The following GRM7 variants were observed in gnomAD, a reference collection of about 807,000 sequenced individuals.
GRM7 encodes glutamate metabotropic receptor 7.
Under a neutral mutation model 84.5 loss-of-function variants are expected in GRM7, and 35 were observed. The ratio of observed to expected loss-of-function variants is 0.41; its 90% CI spans 0.32 to 0.55. GRM7 has a LOEUF of 0.55. Ranked by LOEUF, GRM7 falls within the 20% of genes least tolerant of loss-of-function variation. The pLI is 0.19. For synonymous variants in GRM7, 487 were observed against 455.1 expected (o/e 1.07, Z -0.89); for missense variants, 1,003 against 1,194.6 (o/e 0.84, Z 2.36).
chr3:7,034,617 T>C (rs1696315652), intron 1 of GRM7, among the ~76,000 whole-genome samples: 1 of 152,220 alleles, frequency 6.6e-6, no homozygotes, highest in Non-Finnish European at 1.5e-5. Flanking sequence ...TTGAGAACTA[T>C]AAGTCCTATC....
chr3:6,977,871 A>G (rs1694059367), intron 1 of GRM7, among the ~76,000 whole-genome samples: 1 of 152,180 alleles, frequency 6.6e-6, no homozygotes, highest in East Asian at 1.9e-4. Flanking sequence ...TTCCATGAAA[A>G]TAAGAACGTT....
At chr3:7,023,606 TCAAGGAGTAAACCATGCTGG>T (rs1695861738) in intron 1 of GRM7, among the ~76,000 whole-genome samples, 1 of 152,128 alleles carries the variant, frequency 6.6e-6, no homozygotes, top group Non-Finnish European at 1.5e-5. Context: ...AAGTCCAAAT[TCAAGGAGTAAACCATGCTGG>T]TTCCTTCTGA....
intron 7 of GRM7, among the ~76,000 whole-genome samples, chr3:7,506,398 T>TGATAATAAAGATAATAAA (rs1700040636): frequency 6.6e-6 from 1 of 152,196 alleles, no homozygotes; most frequent in Non-Finnish European, 1.5e-5. Flanking sequence ...GCCCCATTCA[T>TGATAATAAAGATAATAAA]GATAATAAAG....
chr3:7,713,138 T>C (rs1321346913), intron 9 of GRM7, among the ~76,000 whole-genome samples: 2 of 142,440 alleles, frequency 1.4e-5, no homozygotes, highest in Non-Finnish European at 3.1e-5. Context: ...TTTTTTTTTT[T>C]TTTTTTTTTT....
intron 1 of GRM7, among the ~76,000 whole-genome samples, chr3:7,058,873 G>A (rs983157424): frequency 1.6e-4 from 24 of 151,948 alleles, no homozygotes; most frequent in African/African-American, 5.3e-4. Context: ...AAAGGAAGGA[G>A]GAAGTAACTT....
intron 1 of GRM7, among the ~76,000 whole-genome samples, chr3:7,085,444 T>C (rs1698421752): frequency 6.6e-6 from 1 of 152,184 alleles, no homozygotes; most frequent in South Asian, 2.1e-4. Context: ...ATGTAAGTAA[T>C]GACATTATTC....
At chr3:7,723,504 C>T (rs1702022329) in intron 9 of GRM7, among the ~76,000 whole-genome samples, 1 of 152,092 alleles carries the variant, frequency 6.6e-6, no homozygotes, top group Non-Finnish European at 1.5e-5. Flanking sequence ...CCACAGCAAG[C>T]AGAATGTGTT....
chr3:7,274,543 G>A (rs921441079), intron 2 of GRM7, among the ~76,000 whole-genome samples: 1 of 151,866 alleles, frequency 6.6e-6, no homozygotes, highest in Non-Finnish European at 1.5e-5. Flanking sequence ...CTAGGTTGAT[G>A]GTTGATGTTT....
chr3:7,707,655 C>T (rs189459778), intron 9 of GRM7, among the ~76,000 whole-genome samples: 1 of 152,258 alleles, frequency 6.6e-6, no homozygotes, highest in Admixed American at 6.5e-5. Context: ...ATGGTGGAGC[C>T]TTTAGGATCA....
At chr3:6,914,072 T>C (rs1696862696) in intron 1 of GRM7, among the ~76,000 whole-genome samples, 1 of 152,206 alleles carries the variant, frequency 6.6e-6, no homozygotes. Context: ...TCTCCTTTTC[T>C]GTTCCAAAGT....
chr3:7,412,985 GACAC>G (rs59610581), intron 4 of GRM7, among the ~76,000 whole-genome samples: 16 of 148,802 alleles, frequency 1.1e-4, no homozygotes, highest in East Asian at 5.9e-4. Flanking sequence ...AATTCACTAT[GACAC>G]ACACACACAC....
intron 4 of GRM7, among the ~76,000 whole-genome samples, chr3:7,320,208 T>A (rs1700726343): frequency 6.6e-6 from 1 of 151,944 alleles, no homozygotes; most frequent in South Asian, 2.1e-4. Flanking sequence ...AAGATTTTTT[T>A]CTCATCTATT....
rs941387584 is a variant in GRM7, at chr3:7,172,383, G to C, written c.736+25715G>C. ...GATGATTTCCTAGCCATGTATCTAT[G>C]ACACTGTGGCCTTAACTCTGACAAT... On this transcript the variant is annotated intron_variant, in intron 2 of 9. Coordinates refer to ENST00000357716, the MANE Select transcript of GRM7 (RefSeq NM_000844.4). 4.6e-5 allele frequency among the ~76,000 whole-genome samples: 7 copies of C among 152,166 alleles called. No homozygotes were observed. In the South Asian group the frequency reaches 8.3e-4, roughly 18 times the overall value.
At position 6,861,450 on chromosome 3, in the gene GRM7, T is replaced by C; in HGVS notation, c.62T>C (p.Leu21Pro). The C allele has an allele frequency of 6.4e-7, 1 of 1,560,178 alleles. No individual in the cohort carries two copies. The highest frequency in any genetic ancestry group is 1.4e-5 in the African/African-American group (1 of 72,298). The change falls in exon 1 of 10, where the codon CTG (leucine) becomes CCG (proline). Residue 21 changes from leucine (L) to proline (P), a missense_variant. Leu to Pro is a moderately conservative substitution (Grantham distance 98). Coordinates refer to ENST00000357716, the MANE Select transcript of GRM7 (RefSeq NM_000844.4). This position sits in a 1 kb window ranked among gnomAD's most constrained non-coding sequence, Gnocchi z 6.4. ...LTLMKFPCCV[L>P]EVLLCALAAA... ...TTGATGAAGTTCCCCTGCTGCGTGC[T>C]GGAGGTGCTCCTGTGCGCGCTGGCG...
At chr3:7,012,863 C>G (rs1416529817) in intron 1 of GRM7, among the ~76,000 whole-genome samples, 1 of 152,150 alleles carries the variant, frequency 6.6e-6, no homozygotes, top group Non-Finnish European at 1.5e-5. Context: ...ACCTCAGCCC[C>G]TTGAGTAACT....
At chr3:7,491,609 A>G (rs1232459224) in intron 7 of GRM7, among the ~76,000 whole-genome samples, 1 of 152,126 alleles carries the variant, frequency 6.6e-6, no homozygotes, top group African/African-American at 2.4e-5. Flanking sequence ...TAAACTCTAC[A>G]TGTCCTTTCA....
intron 9 of GRM7, among the ~76,000 whole-genome samples, chr3:7,690,081 G>A (rs1349418160): frequency 1.3e-5 from 2 of 152,142 alleles, no homozygotes; most frequent in Non-Finnish European, 2.9e-5. Context: ...TCAAGGTAGG[G>A]GAAAGTATAC....
chr3:7,420,197 A>C (rs1158632624), intron 5 of GRM7, among the ~76,000 whole-genome samples: 2 of 152,194 alleles, frequency 1.3e-5, no homozygotes, highest in African/African-American at 4.8e-5. Flanking sequence ...ATTCGTTAAC[A>C]AGACTGTCAA....
intron 1 of GRM7, among the ~76,000 whole-genome samples, chr3:7,084,407 A>C (rs1426776139): frequency 1.3e-5 from 2 of 152,096 alleles, no homozygotes; most frequent in African/African-American, 4.8e-5. Context: ...AAAGTTTAAG[A>C]ATCATGCTTT....
Sources: allele counts gnomAD v4.1 joint callset (sites outside exome capture counted in the v4.1 genomes callset), GRCh38; gene constraint gnomAD v4.1.1; non-coding constraint Gnocchi (gnomAD v3.1); transcripts MANE v1.5; gene names NCBI Gene and HGNC (gene_info 2026-07-23, HGNC 2026-07-21).